STARD9: variants seen among roughly 807,000 people sequenced by gnomAD.
STARD9 encodes the protein stAR-related lipid transfer protein 9.
Under a neutral mutation model 399.8 loss-of-function variants are expected in STARD9, and 346 were observed. The ratio of observed to expected loss-of-function variants is 0.87; its 90% CI spans 0.79 to 0.95. STARD9 has a LOEUF of 0.95. Ranked by LOEUF, STARD9 falls within the 40% of genes least tolerant of loss-of-function variation. The pLI is 0.00. For synonymous variants in STARD9, 2,203 were observed against 2,143.5 expected, an observed-to-expected ratio of 1.03 and a Z score of -0.77; for missense variants, 5,832 against 5,667.5, an observed-to-expected ratio of 1.03 and a Z score of -0.93.
intron 3 of STARD9, among the ~76,000 whole-genome samples, chr15:42,596,927 C>T (rs1483139358): frequency 1.3e-5 from 2 of 152,276 alleles, no homozygotes; most frequent in East Asian, 1.9e-4. Flanking sequence ...ATTCTCTAAA[C>T]GTAACCATTG....
At chr15:42,634,243 C>T (rs1353099410) in intron 3 of STARD9, among the ~76,000 whole-genome samples, 2 of 152,080 alleles carry the variant, frequency 1.3e-5, no homozygotes, top group East Asian at 3.9e-4. Context: ...TAACAGAGCT[C>T]AGTAGGACTT....
At chr15:42,611,215 G>T (rs1020192993) in intron 3 of STARD9, among the ~76,000 whole-genome samples, 2 of 152,206 alleles carry the variant, frequency 1.3e-5, no homozygotes, top group Non-Finnish European at 2.9e-5. Context: ...ATGTCCATTA[G>T]TTTATGTAAT....
At chr15:42,616,291 A>T (rs2141833235) in intron 3 of STARD9, among the ~76,000 whole-genome samples, 1 of 152,388 alleles carries the variant, frequency 6.6e-6, no homozygotes, top group South Asian at 2.1e-4. Context: ...GAGTGGGATC[A>T]GATTTTATTA....
chr15:42,663,937 C>T lies in STARD9; in HGVS notation c.1176+20C>T. 1 of 1,448,082 alleles carries T rather than the reference C, an allele frequency of 6.9e-7. No individual in the cohort carries two copies. Among genetic ancestry groups the T allele is most frequent in the Non-Finnish European group, 9.4e-7 (1 of 1,065,758 alleles). 89.7% of individuals were successfully genotyped at this position (1,448,082 alleles called of 1,614,324 possible). A position where few individuals can be genotyped will look rare whatever the true frequency, so the allele number is the denominator to read the frequency against. ...AATGAGGTGAGACCTTTTCAGAAGT[C>T]CTGGTCTGGTATAGTTTACACAAAG... On this transcript the variant is annotated intron_variant, in intron 13 of 32. Transcript: ENST00000290607.
intron 1 of STARD9, chr15:42,581,021 T>A (rs1011625800): frequency 2.4e-5 from 11 of 454,292 alleles, no homozygotes; most frequent in Non-Finnish European, 4.6e-5. Context: ...TAATGGGGAC[T>A]GCTGGTATTG....
At chr15:42,627,603 C>T (rs1331183219) in intron 3 of STARD9, among the ~76,000 whole-genome samples, 2 of 152,196 alleles carry the variant, frequency 1.3e-5, no homozygotes, top group Admixed American at 6.5e-5. Flanking sequence ...ACCGCCACTG[C>T]CCTTCCCAGC....
chr15:42,583,349 G>C lies in STARD9; in HGVS notation c.51G>C (p.Glu17Asp). ...TGAGCTTGGGTCTTGTTTCTAGGGAGACCAAAGAAGGGGGAAGAATTATTG... is the reference window on the plus strand; with the variant it reads ...TGAGCTTGGGTCTTGTTTCTAGGGACACCAAAGAAGGGGGAAGAATTATTG... ...AVRVRPLSKR[E>D]TKEGGRIIVE... Residue 17 changes from glutamate to aspartate, a missense_variant, in exon 2 of 33, where the codon GAG becomes GAC. Glu to Asp is a conservative substitution (Grantham distance 45). This residue lies in a region of STARD9 where 5,828 missense variants were observed against 5,651.1 expected (regional missense o/e 1.03). Coordinates refer to ENST00000290607, the MANE Select transcript of STARD9 (RefSeq NM_020759.3). 1 of 1,536,520 alleles carries C rather than the reference G, an allele frequency of 6.5e-7. No homozygotes were observed. Among genetic ancestry groups the C allele is most frequent in the Non-Finnish European group, 8.7e-7 (1 of 1,146,288 alleles).
chr15:42,588,789 T>TG lies in STARD9; in HGVS notation c.234+3152_234+3153insG, dbSNP rs1482445852. 2.9e-4 allele frequency among the ~76,000 whole-genome samples: 7 copies of TG among 24,204 alleles called. No homozygotes were observed. The East Asian group carries it at 7.4e-3, about 26-fold the overall frequency. The allele number at this position is 24,204 out of a possible 152,430, so 15.9% of individuals were successfully genotyped here. ...CCTCTTCACAGCGTTTTTTTTTTTT[T>TG]TTTTTTTTTTTTTTTTTTTTTTTTT... On this transcript the variant is annotated intron_variant, in intron 3 of 32. Transcript: ENST00000290607.
In STARD9 at chr15:42,661,201, T is replaced by A; in HGVS notation, c.746T>A (p.Ile249Asn). The change falls in exon 10 of 33, where the codon ATC becomes AAC. Residue 249 changes from isoleucine to asparagine, a missense_variant. Physicochemically the swap from Ile to Asn is moderately radical, Grantham distance 149. This residue lies in a region of STARD9 where 5,828 missense variants were observed against 5,651.1 expected (regional missense o/e 1.03). Transcript: ENST00000290607. ...CTCCCTTCTGAAATGGCTAGCAAGA[T>A]CAACCTTGTGGACCTAGCAGGCAGG... is the stretch of plus-strand genomic sequence containing the variant. ...NNLPSEMASKINLVDLAGSER... is the reference protein window; with the variant it reads ...NNLPSEMASKNNLVDLAGSER... 3 of 1,536,916 alleles carry A rather than the reference T, an allele frequency of 2.0e-6. No homozygotes were observed. The highest frequency in any genetic ancestry group is 2.6e-6 in the Non-Finnish European group (3 of 1,146,654).
chr15:42,713,019 A>C (rs1167210715), intron 26 of STARD9, among the ~76,000 whole-genome samples: 1 of 152,172 alleles, frequency 6.6e-6, no homozygotes, highest in Non-Finnish European at 1.5e-5. Context: ...GATTACTTTG[A>C]TGGGTAGATC....
In STARD9 at chr15:42,684,251, C is replaced by A. The variant is rs1320173870; in HGVS notation, c.2673C>A (p.Arg891=). The A allele has an allele frequency of 2.0e-6, 3 of 1,537,256 alleles. No homozygotes were observed. The highest frequency in any genetic ancestry group is 2.6e-6 in the Non-Finnish European group (3 of 1,146,904). Residue 891 remains arginine (R), a synonymous_variant, in exon 23 of 33, where the codon CGC becomes CGA. Transcript: ENST00000290607. ...ASYPARTGCL[R]KNGLHSSGHG... The stretch of plus-strand genomic sequence containing the variant: ...ACCCTGCAAGGACAGGGTGCCTCCG[C>A]AAGAACGGCCTGCATTCCTCAGGTC...
chr15:42,667,449 C>T (rs548424111), intron 15 of STARD9, among the ~76,000 whole-genome samples: 2 of 151,326 alleles, frequency 1.3e-5, no homozygotes, highest in South Asian at 2.1e-4. Flanking sequence ...TCTCAAAGTG[C>T]TGGGATTACA....
At chr15:42,668,350 A>G (rs989335090) in intron 15 of STARD9, among the ~76,000 whole-genome samples, 2 of 151,720 alleles carry the variant, frequency 1.3e-5, no homozygotes, top group Admixed American at 6.6e-5. Context: ...TATTCCCTTT[A>G]TGAGAGAAGC....
chr15:42,697,268 T>C (rs573107990), intron 26 of STARD9, among the ~76,000 whole-genome samples: 4 of 152,308 alleles, frequency 2.6e-5, no homozygotes, highest in Admixed American at 1.3e-4. Context: ...CTGACTTCTT[T>C]TAATTAGTTA....
intron 16 of STARD9, chr15:42,671,217 C>T (rs1208348294): frequency 6.7e-6 from 1 of 149,366 alleles, no homozygotes; most frequent in Non-Finnish European, 1.5e-5. Context: ...ACTGCAACCT[C>T]AACCTCCTGG....
At chr15:42,671,358 T>C (rs2060199069) in intron 16 of STARD9, 1 of 152,158 alleles carries the variant, frequency 6.6e-6, no homozygotes, top group African/African-American at 2.4e-5. Context: ...AATTTTACTT[T>C]TGTGCAGAGG....
chr15:42,669,160 A>C lies in STARD9; in HGVS notation c.1320A>C (p.Ile440=). 6.5e-7 allele frequency: 1 copy of C among 1,532,126 alleles called. No homozygotes were observed. The allele number at this position is 1,532,126 out of a possible 1,614,324, so 94.9% of individuals were successfully genotyped here. A position where few individuals can be genotyped will look rare whatever the true frequency, so the allele number is the denominator to read the frequency against. ...KELVLQNELK[I]DQLTKDWTQK... ...GATCACCTCCTATACCTCTGCAGATAGACCAGCTGACTAAAGACTGGACCC... is the reference window on the plus strand; with the variant it reads ...GATCACCTCCTATACCTCTGCAGATCGACCAGCTGACTAAAGACTGGACCC... The change falls in exon 16 of 33, where the codon ATA becomes ATC. Residue 440 remains isoleucine, a splice_region_variant and synonymous_variant. Transcript: ENST00000290607.
Position 42,699,392 on chromosome 15 carries a change from C to CTTTTTTTTTTTTTTTTTTTTTTTTTTT in STARD9, c.13284+3532_13284+3533insTTTTTTTTTTTTTTTTTTTTTTTTTTT, listed in dbSNP as rs34614271. On this transcript the variant is annotated intron_variant, in intron 26 of 32. Transcript: ENST00000290607. Reference sequence around the variant, plus strand: ...TCTATGAGATCAACTTTTTTCTTTTCTTTTTTTTTTTTTTTTTTTTGAGAT... The same window carrying CTTTTTTTTTTTTTTTTTTTTTTTTTTT: ...TCTATGAGATCAACTTTTTTCTTTTCTTTTTTTTTTTTTTTTTTTTTTTTTTTTTTTTTTTTTTTTTTTTTTTGAGAT... Among the ~76,000 whole-genome samples, 36 of 113,294 alleles carry CTTTTTTTTTTTTTTTTTTTTTTTTTTT rather than the reference C, an allele frequency of 3.2e-4. 1 individual carries two copies. Among genetic ancestry groups the CTTTTTTTTTTTTTTTTTTTTTTTTTTT allele is most frequent in the African/African-American group, 1.4e-3 (34 of 24,554 alleles). 74.3% of individuals were successfully genotyped at this position (113,294 alleles called of 152,430 possible). A position where few individuals can be genotyped will look rare whatever the true frequency, so the allele number is the denominator to read the frequency against.
At chr15:42,694,786 G>A (rs751547706) in intron 24 of STARD9, 61 bp downstream of exon 24, 5 of 1,425,974 alleles carry the variant, frequency 3.5e-6, no homozygotes, top group Non-Finnish European at 4.7e-6. Context: ...AGTATGGGGA[G>A]CAGGAGCTGA....
Sources: allele counts gnomAD v4.1 joint callset (sites outside exome capture counted in the v4.1 genomes callset), GRCh38; gene constraint gnomAD v4.1.1; regional missense constraint gnomAD v4.1.1; transcripts MANE v1.5; gene names NCBI Gene and HGNC (gene_info 2026-07-23, HGNC 2026-07-21).